ARHGAP8: variants seen among roughly 807,000 people sequenced by gnomAD.
The protein encoded by ARHGAP8 is rho GTPase-activating protein 8.
ARHGAP8 carries 62 observed loss-of-function variants against 46.1 expected under a neutral mutation model. That is an observed-to-expected ratio of 1.34 (90% CI 1.10 to 1.66). The LOEUF (loss-of-function observed/expected upper bound fraction) is 1.66. ARHGAP8 is among the 40% of genes most tolerant of loss of function. The pLI is 0.00. For synonymous variants in ARHGAP8, 375 were observed against 243.1 expected, an observed-to-expected ratio of 1.54 and a Z score of -5.05; for missense variants, 923 against 568.4, an observed-to-expected ratio of 1.62 and a Z score of -6.34.
At chr22:44,826,629 G>A (rs529061103) in intron 7 of ARHGAP8, among the ~76,000 whole-genome samples, 15 of 152,260 alleles carry the variant, frequency 9.9e-5, no homozygotes, top group African/African-American at 3.1e-4. Flanking sequence ...GTTTGGCCAT[G>A]TTGCCTGGCT....
At chr22:44,853,260 G>A (rs1023225380) in intron 10 of ARHGAP8, among the ~76,000 whole-genome samples, 5 of 152,252 alleles carry the variant, frequency 3.3e-5, no homozygotes, top group Admixed American at 2.6e-4. Flanking sequence ...TGGGTGTTCC[G>A]GTGAACTTTC....
At chr22:44,755,557 A>C (rs1602132500) in intron 1 of ARHGAP8, among the ~76,000 whole-genome samples, 1 of 152,248 alleles carries the variant, frequency 6.6e-6, no homozygotes, top group Non-Finnish European at 1.5e-5. Flanking sequence ...GCACTGTGGG[A>C]CTTAGCTGCA....
chr22:44,860,656 A>C (rs2070432216), intron 11 of ARHGAP8, among the ~76,000 whole-genome samples: 1 of 151,372 alleles, frequency 6.6e-6, no homozygotes, highest in East Asian at 1.9e-4. Context: ...AGGCTAAGCA[A>C]ATGACCAGAG....
chr22:44,773,904 C>A (rs985088726), intron 1 of ARHGAP8, among the ~76,000 whole-genome samples: 2 of 152,154 alleles, frequency 1.3e-5, no homozygotes, highest in Non-Finnish European at 2.9e-5. Flanking sequence ...TATTAATATG[C>A]CATTTATACT....
chr22:44,824,316 T>A (rs923128537), intron 6 of ARHGAP8, among the ~76,000 whole-genome samples: 1 of 152,208 alleles, frequency 6.6e-6, no homozygotes, highest in Non-Finnish European at 1.5e-5. Context: ...CGCAGAGCGC[T>A]GTGATTAACT....
intron 3 of ARHGAP8, among the ~76,000 whole-genome samples, chr22:44,806,311 A>G (rs1928917071): frequency 6.6e-6 from 1 of 152,180 alleles, no homozygotes; most frequent in Non-Finnish European, 1.5e-5. Context: ...ACTCTGGAAA[A>G]TGAGTTTTGA....
At chr22:44,852,783 ATTT>A (rs1043307815) in intron 10 of ARHGAP8, among the ~76,000 whole-genome samples, 1 of 151,632 alleles carries the variant, frequency 6.6e-6, no homozygotes, top group Admixed American at 6.6e-5. Context: ...AGTTCCGGGG[ATTT>A]TTTTTATTTT....
chr22:44,832,243 T>TA (rs1339076035), intron 7 of ARHGAP8, among the ~76,000 whole-genome samples: 7 of 147,894 alleles, frequency 4.7e-5, no homozygotes, highest in African/African-American at 7.6e-5. Context: ...TTTTTTTTTT[T>TA]AAAGACAGAG....
At chr22:44,786,432 C>A in intron 1 of ARHGAP8, 25 bp from the exon 2 acceptor site, 2 of 1,558,628 alleles carry the variant, frequency 1.3e-6, no homozygotes, top group Non-Finnish European at 1.7e-6. Flanking sequence ...AATGCACTGA[C>A]TTCCTTTAAT....
chr22:44,821,414 G>A (rs1930136160), intron 5 of ARHGAP8, among the ~76,000 whole-genome samples: 1 of 126,304 alleles, frequency 7.9e-6, no homozygotes, highest in East Asian at 2.3e-4. Context: ...GGGTGACAGA[G>A]CGAGACTCCA....
At chr22:44,861,986 T>G (rs745614805) in intron 11 of ARHGAP8, among the ~76,000 whole-genome samples, 4 of 152,076 alleles carry the variant, frequency 2.6e-5, no homozygotes, top group African/African-American at 7.2e-5. Context: ...AGATTGCATC[T>G]CCCCAGAAGG....
chr22:44,797,981 T>TTTG (rs1569150371), intron 2 of ARHGAP8, among the ~76,000 whole-genome samples: 1 of 137,550 alleles, frequency 7.3e-6, no homozygotes, highest in East Asian at 2.1e-4. Flanking sequence ...CCAATAAGAT[T>TTTG]TTTTTTTTTT....
At chr22:44,803,271 G>A (rs1928686201) in intron 3 of ARHGAP8, among the ~76,000 whole-genome samples, 1 of 152,190 alleles carries the variant, frequency 6.6e-6, no homozygotes, top group Non-Finnish European at 1.5e-5. Context: ...AGCTGGTACA[G>A]GGTGGGGGGC....
chr22:44,807,101 TTC>T (rs1393673113), intron 3 of ARHGAP8, among the ~76,000 whole-genome samples: 2 of 152,104 alleles, frequency 1.3e-5, no homozygotes, highest in African/African-American at 4.8e-5. Context: ...TTCTGGGAGC[TTC>T]TGTCTGCAGA....
chr22:44,799,191 C>G (rs192269550), intron 2 of ARHGAP8, among the ~76,000 whole-genome samples: 1 of 152,268 alleles, frequency 6.6e-6, no homozygotes, highest in African/African-American at 2.4e-5. Context: ...GAACCTTTTA[C>G]TGCATTGAGC....
chr22:44,795,771 T>C (rs546351923), intron 2 of ARHGAP8, among the ~76,000 whole-genome samples: 2 of 152,220 alleles, frequency 1.3e-5, no homozygotes, highest in South Asian at 4.2e-4. Flanking sequence ...GTCTGAGCCA[T>C]GTTCTCCCAC....
Position 44,833,637 on chromosome 22 carries a change from T to C in ARHGAP8, c.596+8044T>C, listed in dbSNP as rs76836247. On this transcript the variant is annotated intron_variant, in intron 7 of 11. Coordinates refer to ENST00000356099, the MANE Select transcript of ARHGAP8 (RefSeq NM_181335.3). ...ATTAGTTTGTCATTTTCTTGTCTTA[T>C]GATATCCTTGTCTGGTTTTGGTGAT... Among the ~76,000 whole-genome samples the C allele has an allele frequency of 4.6e-3, 700 of 152,298 alleles. 8 individuals are homozygous for C. Among genetic ancestry groups the C allele is most frequent in the African/African-American group, 0.016 (667 of 41,562 alleles).
At chr22:44,804,112 TG>T (rs2147084454) in intron 3 of ARHGAP8, among the ~76,000 whole-genome samples, 1 of 151,554 alleles carries the variant, frequency 6.6e-6, no homozygotes, top group African/African-American at 2.4e-5. Context: ...CAAAGCCACA[TG>T]GGCCTCGCAC....
intron 8 of ARHGAP8, among the ~76,000 whole-genome samples, chr22:44,846,586 C>T (rs910188982): frequency 3.3e-5 from 5 of 152,326 alleles, no homozygotes; most frequent in East Asian, 1.9e-4. Flanking sequence ...CCCAAGAGGC[C>T]TGCCTGTCCC....
Sources: allele counts gnomAD v4.1 joint callset (sites outside exome capture counted in the v4.1 genomes callset), GRCh38; gene constraint gnomAD v4.1.1; transcripts MANE v1.5; gene names NCBI Gene and HGNC (gene_info 2026-07-23, HGNC 2026-07-21).